The following CACNA2D2 variants were observed in gnomAD, a reference collection of about 807,000 sequenced individuals.
CACNA2D2 encodes the protein voltage-dependent calcium channel subunit alpha-2/delta-2.
In CACNA2D2, 48 loss-of-function variants were observed where a neutral mutation model predicts 166.4. The ratio of observed to expected loss-of-function variants is 0.29; its 90% CI spans 0.23 to 0.37. The LOEUF (loss-of-function observed/expected upper bound fraction) is 0.37, where lower values mean the gene tolerates loss of function less well. Among genes scored for constraint, CACNA2D2 ranks in the 10% least tolerant of loss-of-function variants. The pLI, the probability that CACNA2D2 is intolerant of heterozygous loss-of-function variation, is 1.00. For missense variants in CACNA2D2, 1,122 were observed against 1,433.0 expected, an observed-to-expected ratio of 0.78 and a Z score of 3.50; for synonymous variants, 561 against 573.7, an observed-to-expected ratio of 0.98 and a Z score of 0.32.
chr3:50,380,441 G>A lies in CACNA2D2; in HGVS notation c.842+307C>T, dbSNP rs1270599325. On this transcript the variant is annotated intron_variant, in intron 8 of 37. Transcript: ENST00000424201. This position sits in a 1 kb window ranked among gnomAD's most constrained non-coding sequence, Gnocchi z 4.9. ...GGGATATCTGGGGCTCAGACGGGTG[G>A]GGCAGGGACTGGCCAACCCTACAGA... Among the ~76,000 whole-genome samples, 2 of 152,308 alleles carry A rather than the reference G, an allele frequency of 1.3e-5. No individual in the cohort carries two copies. The highest frequency in any genetic ancestry group is 3.9e-4 in the East Asian group (2 of 5,176).
At chr3:50,410,134 C>T (rs570700759) in intron 3 of CACNA2D2, among the ~76,000 whole-genome samples, 1 of 152,340 alleles carries the variant, frequency 6.6e-6, no homozygotes, top group East Asian at 1.9e-4. Context: ...GCTGGGGACA[C>T]TGCTGGGGGT....
chr3:50,429,574 C>T (rs1459681623), intron 3 of CACNA2D2, among the ~76,000 whole-genome samples: 1 of 136,030 alleles, frequency 7.4e-6, no homozygotes, highest in East Asian at 2.3e-4. Flanking sequence ...TGGTGAAACC[C>T]CATCTCTACT....
At chr3:50,486,431 T>C (rs576325362) in intron 1 of CACNA2D2, among the ~76,000 whole-genome samples, 35 of 151,980 alleles carry the variant, frequency 2.3e-4, no homozygotes, top group Admixed American at 1.8e-3. Context: ...AAATCCTCGC[T>C]AAGCCACAAA....
intron 2 of CACNA2D2, among the ~76,000 whole-genome samples, chr3:50,449,785 A>C (rs1038590958): frequency 1.3e-5 from 2 of 152,144 alleles, no homozygotes; most frequent in African/African-American, 4.8e-5. Context: ...TACTCCCAGG[A>C]CTGCCCACCA....
chr3:50,396,542 C>A (rs1706163948), intron 3 of CACNA2D2, among the ~76,000 whole-genome samples: 1 of 152,160 alleles, frequency 6.6e-6, no homozygotes, highest in African/African-American at 2.4e-5. Context: ...CCACGCCGAC[C>A]CCAAACCCAG....
chr3:50,420,225 G>A (rs1009504441), intron 3 of CACNA2D2, among the ~76,000 whole-genome samples: 4 of 152,266 alleles, frequency 2.6e-5, no homozygotes, highest in Non-Finnish European at 5.9e-5. Flanking sequence ...CAGCAAGGGG[G>A]AGAGCAGAAA....
upstream of CACNA2D2, among the ~76,000 whole-genome samples, chr3:50,503,916 C>A (rs967182583): frequency 6.6e-6 from 1 of 152,120 alleles, no homozygotes; most frequent in African/African-American, 2.4e-5. Context: ...ACCCCACCCG[C>A]GGGAAGAGTC....
rs559288086 is a variant in CACNA2D2 at position 50,403,683 on chromosome 3, T to C, written c.406-9515A>G. 9.8e-5 allele frequency among the ~76,000 whole-genome samples: 15 copies of C among 152,306 alleles called. 1 individual carries two copies. The highest frequency in any genetic ancestry group is 7.2e-4 in the Admixed American group (11 of 15,302). ...GACCACTCCTCCCTTCCTAACATTA[T>C]CCTTTACCAGGCTCTGCCAACCTCA... On this transcript the variant is annotated intron_variant, in intron 3 of 37. Transcript: ENST00000424201.
intron 2 of CACNA2D2, among the ~76,000 whole-genome samples, chr3:50,470,543 A>G (rs930998038): frequency 2.1e-5 from 3 of 144,090 alleles, no homozygotes; most frequent in African/African-American, 7.5e-5. Flanking sequence ...AAGCTTCTCA[A>G]AAATGGAATT....
At chr3:50,370,703 G>GAC (rs149944405) in intron 22 of CACNA2D2, among the ~76,000 whole-genome samples, 55 of 151,504 alleles carry the variant, frequency 3.6e-4, no homozygotes, top group Admixed American at 1.7e-3. Context: ...CATATACACG[G>GAC]ACACACACAC....
intron 2 of CACNA2D2, among the ~76,000 whole-genome samples, chr3:50,443,540 C>T (rs750172430): frequency 5.3e-5 from 8 of 152,244 alleles, no homozygotes; most frequent in African/African-American, 1.4e-4. Context: ...CCCCCGCTGC[C>T]GCTCAGTTCT....
intron 22 of CACNA2D2, 78 bp downstream of exon 22, chr3:50,374,659 T>G (rs1042114976): frequency 1.9e-5 from 28 of 1,505,918 alleles, no homozygotes; most frequent in Non-Finnish European, 2.2e-5. Context: ...CAAGCGGCGC[T>G]GGCTATGCTG....
At chr3:50,461,865 G>C (rs933636228) in intron 2 of CACNA2D2, among the ~76,000 whole-genome samples, 1 of 152,152 alleles carries the variant, frequency 6.6e-6, no homozygotes, top group Admixed American at 6.5e-5. Flanking sequence ...CATGAAAGAG[G>C]GGACTCCAAC....
rs1704103357 is a variant in CACNA2D2, at chr3:50,364,542, T to C, written c.*124A>G. On this transcript the variant is annotated 3_prime_UTR_variant, in exon 38 of 38. Coordinates refer to ENST00000424201, the MANE Select transcript of CACNA2D2 (RefSeq NM_006030.4). The stretch of plus-strand genomic sequence containing the variant: ...AGGCGCAGACCAGACTCTCAGGGCC[T>C]GGCCAGCTCAGGTCCTTCAGTGAGG... The C allele has an allele frequency of 8.2e-7, 1 of 1,225,850 alleles. No homozygotes were observed. The highest frequency in any genetic ancestry group is 1.1e-6 in the Non-Finnish European group (1 of 909,710). The allele number at this position is 1,225,850 out of a possible 1,614,324, so 75.9% of individuals were successfully genotyped here. A position where few individuals can be genotyped will look rare whatever the true frequency, so the allele number is the denominator to read the frequency against.
intron 22 of CACNA2D2, among the ~76,000 whole-genome samples, chr3:50,371,026 T>C (rs981031939): frequency 6.6e-6 from 1 of 151,918 alleles, no homozygotes; most frequent in Non-Finnish European, 1.5e-5. Context: ...CTGCAGTGCA[T>C]TGTCGGGGCT....
intron 23 of CACNA2D2, among the ~76,000 whole-genome samples, chr3:50,369,847 G>A (rs1448934683): frequency 4.6e-5 from 7 of 152,228 alleles, no homozygotes; most frequent in African/African-American, 1.4e-4. Context: ...GAAGTACCAC[G>A]CCTAGACCCG....
At chr3:50,414,912 C>T (rs553646838) in intron 3 of CACNA2D2, among the ~76,000 whole-genome samples, 1 of 152,370 alleles carries the variant, frequency 6.6e-6, no homozygotes, top group African/African-American at 2.4e-5. Context: ...TGATCACTCA[C>T]TCAAATTAAC....
intron 1 of CACNA2D2, among the ~76,000 whole-genome samples, chr3:50,502,461 GGGA>G (rs1223576352): frequency 6.6e-6 from 1 of 152,218 alleles, no homozygotes; most frequent in South Asian, 2.1e-4. Flanking sequence ...CTGGCTCTTG[GGGA>G]GGAGGAGAAG....
chr3:50,500,598 A>G (rs1270848517), intron 1 of CACNA2D2, among the ~76,000 whole-genome samples: 3 of 152,178 alleles, frequency 2.0e-5, no homozygotes, highest in Non-Finnish European at 4.4e-5. Flanking sequence ...CATAACTGGA[A>G]AAAGGAGGCA....
Sources: allele counts gnomAD v4.1 joint callset (sites outside exome capture counted in the v4.1 genomes callset), GRCh38; gene constraint gnomAD v4.1.1; non-coding constraint Gnocchi (gnomAD v3.1); transcripts MANE v1.5; gene names NCBI Gene and HGNC (gene_info 2026-07-23, HGNC 2026-07-21).